The following DGKB variants were observed in gnomAD, a reference collection of about 807,000 sequenced individuals.
DGKB encodes the protein diacylglycerol kinase beta.
Under a neutral mutation model 114.3 loss-of-function variants are expected in DGKB, and 67 were observed. The ratio of observed to expected loss-of-function variants is 0.59; its 90% CI spans 0.48 to 0.72. The LOEUF is 0.72. Among genes scored for constraint, DGKB ranks in the 30% least tolerant of loss-of-function variants. The pLI is 0.00. For synonymous variants in DGKB, 398 were observed against 323.1 expected (o/e 1.23, Z -2.49); for missense variants, 907 against 975.2 (o/e 0.93, Z 0.93).
intron 1 of DGKB, among the ~76,000 whole-genome samples, chr7:14,922,202 G>T (rs1283122933): frequency 1.3e-5 from 2 of 152,020 alleles, no homozygotes; most frequent in Non-Finnish European, 2.9e-5. Context: ...GACCAAAGCA[G>T]ATAATTAAAA....
At chr7:14,432,048 G>A (rs1828527962) in intron 21 of DGKB, among the ~76,000 whole-genome samples, 1 of 152,102 alleles carries the variant, frequency 6.6e-6, no homozygotes, top group African/African-American at 2.4e-5. Flanking sequence ...TAAAAACAAT[G>A]TTGTCTCGTC....
At chr7:14,847,270 G>A (rs530701141) in intron 1 of DGKB, among the ~76,000 whole-genome samples, 5 of 132,746 alleles carry the variant, frequency 3.8e-5, no homozygotes, top group East Asian at 2.1e-4. Flanking sequence ...CAGCCTGGGC[G>A]ACAGAGCGAG....
At chr7:14,947,799 C>G (rs1785965706) in intron 1 of DGKB, among the ~76,000 whole-genome samples, 1 of 151,664 alleles carries the variant, frequency 6.6e-6, no homozygotes, top group Non-Finnish European at 1.5e-5. Flanking sequence ...GCAACACGTT[C>G]CATAATTCCA....
chr7:14,806,145 A>G (rs1237053071), intron 2 of DGKB, among the ~76,000 whole-genome samples: 1 of 151,964 alleles, frequency 6.6e-6, no homozygotes, highest in Admixed American at 6.6e-5. Flanking sequence ...AGAGAAGCTT[A>G]GTTTCTATTC....
chr7:14,695,086 A>C (rs1197235553), intron 8 of DGKB, among the ~76,000 whole-genome samples: 1 of 152,204 alleles, frequency 6.6e-6, no homozygotes, highest in Non-Finnish European at 1.5e-5. Flanking sequence ...CAGAGATTGG[A>C]AAAGATGCAA....
intron 1 of DGKB, among the ~76,000 whole-genome samples, chr7:14,962,636 TTGTG>T (rs71004348): frequency 0.017 from 2,425 of 141,982 alleles, 45 homozygotes; most frequent in African/African-American, 0.049. Flanking sequence ...GTGTGTGTGT[TTGTG>T]TGTGTGTGTG....
intron 2 of DGKB, among the ~76,000 whole-genome samples, chr7:14,803,812 C>A (rs954702895): frequency 6.6e-6 from 1 of 151,940 alleles, no homozygotes; most frequent in African/African-American, 2.4e-5. Flanking sequence ...AAGTTACTTA[C>A]CCTTATATGC....
chr7:14,379,597 C>T (rs916470127), intron 21 of DGKB, among the ~76,000 whole-genome samples: 7 of 151,788 alleles, frequency 4.6e-5, no homozygotes, highest in Non-Finnish European at 7.4e-5. Flanking sequence ...TCTTACTCTG[C>T]GGCCCAGGCT....
At chr7:14,235,543 A>T (rs557484522) in intron 23 of DGKB, among the ~76,000 whole-genome samples, 1 of 152,064 alleles carries the variant, frequency 6.6e-6, no homozygotes, top group Non-Finnish European at 1.5e-5. Context: ...TTTGACCATT[A>T]CTGTTTTGAA....
At chr7:14,642,119 C>G (rs1329216900) in intron 13 of DGKB, among the ~76,000 whole-genome samples, 1 of 152,052 alleles carries the variant, frequency 6.6e-6, no homozygotes, top group African/African-American at 2.4e-5. Context: ...TTGTTGTCCT[C>G]AGTGTTGATT....
rs1845673406 is a variant in DGKB, at chr7:14,826,082, A to AT, written c.70+15111_70+15112insA. On this transcript the variant is annotated intron_variant, in intron 2 of 25. Coordinates refer to ENST00000402815, the MANE Select transcript of DGKB (RefSeq NM_001350709.2). ...TTGCCTACATCGCTCTGGGGCTTGC[A>AT]CGAAGTAGCAGTGTTAAACTTGCAG... Among the ~76,000 whole-genome samples the AT allele has an allele frequency of 3.3e-5, 5 of 152,288 alleles. No homozygotes were observed. In the Middle Eastern group the frequency reaches 0.014, roughly 414 times the overall value.
chr7:14,272,704 A>C (rs1246737047), intron 23 of DGKB, among the ~76,000 whole-genome samples: 2 of 152,126 alleles, frequency 1.3e-5, no homozygotes, highest in African/African-American at 4.8e-5. Flanking sequence ...TGAGACATAC[A>C]TAAAAAAGTG....
At chr7:14,501,387 T>C (rs1461167675) in intron 20 of DGKB, among the ~76,000 whole-genome samples, 1 of 151,812 alleles carries the variant, frequency 6.6e-6, no homozygotes, top group Non-Finnish European at 1.5e-5. Context: ...GAGCAACTTA[T>C]AATTTAATAC....
chr7:14,954,011 GT>G lies in DGKB; in HGVS notation c.-188+20684del, dbSNP rs1786356686. Among the ~76,000 whole-genome samples the G allele has an allele frequency of 2.6e-5, 4 of 152,180 alleles. No individual in the cohort carries two copies. In the South Asian group the frequency reaches 8.3e-4, roughly 32 times the overall value. On this transcript the variant is annotated intron_variant, in intron 1 of 4. Coordinates refer to the DGKB transcript ENST00000437998. The stretch of plus-strand genomic sequence containing the variant: ...CTGGGACTGGGGCCCAGCAATTTGT[GT>G]TTTACTAAGCCCTCCAGGTGATTTT...
intron 21 of DGKB, among the ~76,000 whole-genome samples, chr7:14,375,609 A>G (rs1818350257): frequency 6.6e-6 from 1 of 152,188 alleles, no homozygotes; most frequent in African/African-American, 2.4e-5. Flanking sequence ...TTTCCTCCTC[A>G]CCTTCCAGGT....
intron 23 of DGKB, among the ~76,000 whole-genome samples, chr7:14,232,646 C>T (rs1219028917): frequency 6.6e-6 from 1 of 151,854 alleles, no homozygotes; most frequent in Non-Finnish European, 1.5e-5. Flanking sequence ...ACTCAAATCC[C>T]TAATTCAGAA....
At chr7:14,389,149 A>G (rs891990772) in intron 21 of DGKB, among the ~76,000 whole-genome samples, 7 of 152,110 alleles carry the variant, frequency 4.6e-5, no homozygotes, top group African/African-American at 1.7e-4. Flanking sequence ...AGCATTTCGG[A>G]TGAGGCCTCT....
chr7:14,174,521 A>G (rs1050868451), intron 25 of DGKB, among the ~76,000 whole-genome samples: 1 of 152,164 alleles, frequency 6.6e-6, no homozygotes, highest in Non-Finnish European at 1.5e-5. Context: ...TACAAAGAGT[A>G]TTCATGGACG....
chr7:14,837,389 T>A (rs1373188529), intron 2 of DGKB, among the ~76,000 whole-genome samples: 1 of 152,198 alleles, frequency 6.6e-6, no homozygotes, highest in Admixed American at 6.5e-5. Flanking sequence ...AGGTCCAACA[T>A]TGAATGATTT....
Sources: gnomAD v4.1 joint callset for allele counts (sites outside exome capture counted in the v4.1 genomes callset) on GRCh38, gnomAD v4.1.1 for gene constraint, MANE v1.5 for transcripts, NCBI Gene and HGNC (gene_info 2026-07-23, HGNC 2026-07-21) for gene names.